SMURF2: variants seen among roughly 807,000 people sequenced by gnomAD.
SMURF2 encodes the protein SMAD specific E3 ubiquitin protein ligase 2.
In SMURF2, 48 loss-of-function variants were observed where a neutral mutation model predicts 109.6. The observed-to-expected ratio is 0.44, with a 90% CI of 0.35 to 0.56. The LOEUF is 0.56. SMURF2 is among the 20% of genes least tolerant of loss of function. The probability of loss-of-function intolerance (pLI) is 0.01; values close to 1 mark genes in which losing one functional copy is unlikely to be tolerated. For synonymous variants in SMURF2, 288 were observed against 317.1 expected, an observed-to-expected ratio of 0.91 and a Z score of 0.97; for missense variants, 575 against 909.0, an observed-to-expected ratio of 0.63 and a Z score of 4.72.
intron 11 of SMURF2, 63 bp from the exon 12 acceptor site, chr17:64,561,666 C>T (rs1969221950): frequency 1.6e-6 from 2 of 1,256,254 alleles, no homozygotes; most frequent in South Asian, 2.6e-5. Flanking sequence ...TACTTAATCT[C>T]TCCCTGCCAA....
chr17:64,547,735 AGT>A lies in SMURF2; in HGVS notation c.1934_1935del (p.His645LeufsTer19). On this transcript the variant is annotated frameshift_variant, in exon 17 of 19. Transcript: ENST00000262435. LOFTEE classifies it high-confidence loss of function. The surrounding 1 kb of genome is among the most constrained non-coding windows in gnomAD (Gnocchi z 4.2). ...NDWKVNTRLK[H>X]CTPDSNIVKW... The stretch of plus-strand genomic sequence containing the variant: ...TTGACAATGTTGCTGTCTGGTGTAC[AGT>A]GTTTTAACCGGGTGTTTACCTTCCA... 1 of 1,614,232 alleles carries A rather than the reference AGT, an allele frequency of 6.2e-7. No individual in the cohort carries two copies. Among genetic ancestry groups the A allele is most frequent in the Non-Finnish European group, 8.5e-7 (1 of 1,180,040 alleles).
intron 1 of SMURF2, among the ~76,000 whole-genome samples, chr17:64,612,645 G>A (rs1970060940): frequency 6.6e-6 from 1 of 152,090 alleles, no homozygotes; most frequent in Admixed American, 6.6e-5. Context: ...CTGCACTCCA[G>A]CCTGAGCAAC....
chr17:64,638,056 CTTTTTCTTTTT>C (rs1970444820), intron 1 of SMURF2, among the ~76,000 whole-genome samples: 6 of 128,978 alleles, frequency 4.7e-5, no homozygotes, highest in Non-Finnish European at 9.6e-5. Flanking sequence ...TTTTTTTTTC[CTTTTTCTTTTT>C]TTTTTTTTTT....
chr17:64,646,047 A>G (rs1237601623), intron 1 of SMURF2, among the ~76,000 whole-genome samples: 3 of 151,940 alleles, frequency 2.0e-5, no homozygotes, highest in Admixed American at 6.6e-5. Context: ...GGGAAATGGC[A>G]TTTGACTTCA....
chr17:64,635,966 A>C (rs535959136), intron 1 of SMURF2, among the ~76,000 whole-genome samples: 21 of 152,250 alleles, frequency 1.4e-4, no homozygotes, highest in African/African-American at 5.1e-4. Context: ...CAATTTCTCC[A>C]CATCTTTGCT....
At chr17:64,546,661 A>C (rs570636451) in intron 17 of SMURF2, among the ~76,000 whole-genome samples, 2 of 152,366 alleles carry the variant, frequency 1.3e-5, no homozygotes, top group South Asian at 4.1e-4. Flanking sequence ...GGCAAATCCA[A>C]GGTAAAATAC....
intron 2 of SMURF2, among the ~76,000 whole-genome samples, chr17:64,602,342 T>C (rs1969909706): frequency 6.6e-6 from 1 of 151,972 alleles, no homozygotes; most frequent in Non-Finnish European, 1.5e-5. Flanking sequence ...AATAAAATAA[T>C]AAAAGAAAAA....
In SMURF2 at chr17:64,661,929, G is replaced by C. The variant is rs1970786073; in HGVS notation, c.-49C>G. The C allele has an allele frequency of 6.1e-6, 7 of 1,153,376 alleles. No individual in the cohort carries two copies. Among genetic ancestry groups the C allele is most frequent in the Non-Finnish European group, 7.5e-6 (7 of 937,946 alleles). 71.4% of individuals were successfully genotyped at this position (1,153,376 alleles called of 1,614,324 possible). A position where few individuals can be genotyped will look rare whatever the true frequency, so the allele number is the denominator to read the frequency against. On this transcript the variant is annotated 5_prime_UTR_variant, in exon 1 of 19. Transcript: ENST00000262435. The stretch of plus-strand genomic sequence containing the variant: ...GGGCGGCGGGCGGCACGGGGGCGAC[G>C]GCGAGGCGCGGCGGAGTCACCACAG...
At chr17:64,614,204 C>T (rs1010581092) in intron 1 of SMURF2, among the ~76,000 whole-genome samples, 3 of 152,082 alleles carry the variant, frequency 2.0e-5, no homozygotes, top group Non-Finnish European at 2.9e-5. Flanking sequence ...ATTTCAATAT[C>T]TTTAATGTTT....
At position 64,620,149 on chromosome 17, in the gene SMURF2, C is replaced by T. The variant is rs187622005; in HGVS notation, c.53-13509G>A. Among the ~76,000 whole-genome samples the T allele has an allele frequency of 2.6e-5, 4 of 152,262 alleles. No individual in the cohort carries two copies. In the East Asian group the frequency reaches 7.7e-4, roughly 29 times the overall value. On this transcript the variant is annotated intron_variant, in intron 1 of 18. Transcript: ENST00000262435. Reference sequence around the variant, plus strand: ...TCCTCTCCCTGACCACCTCACATACCTAAAGCAGTTGCCAGATTATAGCCG... The same window carrying T: ...TCCTCTCCCTGACCACCTCACATACTTAAAGCAGTTGCCAGATTATAGCCG...
chr17:64,597,698 A>G (rs1410107099), intron 3 of SMURF2, among the ~76,000 whole-genome samples: 1 of 151,766 alleles, frequency 6.6e-6, no homozygotes, highest in African/African-American at 2.4e-5. Context: ...GCTTGAACTC[A>G]GGAGACAGAG....
intron 2 of SMURF2, among the ~76,000 whole-genome samples, chr17:64,601,564 A>G (rs1345862471): frequency 2.6e-5 from 4 of 152,206 alleles, no homozygotes; most frequent in African/African-American, 9.7e-5. Context: ...GTTGGCATGG[A>G]TGCAGTGAAA....
intron 12 of SMURF2, among the ~76,000 whole-genome samples, chr17:64,559,011 T>G (rs1172838183): frequency 6.6e-6 from 1 of 152,194 alleles, no homozygotes; most frequent in East Asian, 1.9e-4. Flanking sequence ...ATTACTACCA[T>G]TATGTAACAT....
intron 16 of SMURF2, 100 bp downstream of exon 16, chr17:64,551,484 A>G (rs1555683599): frequency 1.5e-6 from 2 of 1,292,192 alleles, no homozygotes; most frequent in Non-Finnish European, 1.1e-6. Flanking sequence ...CATGAAACTT[A>G]GAAAGCACCA....
intron 1 of SMURF2, among the ~76,000 whole-genome samples, chr17:64,644,894 C>A (rs1338181475): frequency 6.6e-6 from 1 of 151,964 alleles, no homozygotes; most frequent in Non-Finnish European, 1.5e-5. Flanking sequence ...CCTGTAATTC[C>A]AGCTACTCAA....
rs1314554146 is a variant in SMURF2 at position 64,544,766 on chromosome 17, T to G, written c.*1082A>C. 1 of 152,406 alleles carries G rather than the reference T, an allele frequency of 6.6e-6. No homozygotes were observed. Among genetic ancestry groups the G allele is most frequent in the East Asian group, 1.9e-4 (1 of 5,206 alleles). The allele number at this position is 152,406 out of a possible 1,614,324, so 9.4% of individuals were successfully genotyped here. ...GATTTTCTAAGCTTATTAATAATCT[T>G]TAGAGCAAAATTCTTCCTTTTTCAT... On this transcript the variant is annotated 3_prime_UTR_variant, in exon 19 of 19. Transcript: ENST00000262435.
At chr17:64,636,447 A>G (rs1970417163) in intron 1 of SMURF2, among the ~76,000 whole-genome samples, 1 of 152,112 alleles carries the variant, frequency 6.6e-6, no homozygotes, top group African/African-American at 2.4e-5. Flanking sequence ...TACTAAAAAT[A>G]TAAACATTAG....
chr17:64,552,303 T>C (rs1444605210), intron 15 of SMURF2, among the ~76,000 whole-genome samples: 1 of 152,178 alleles, frequency 6.6e-6, no homozygotes, highest in African/African-American at 2.4e-5. Flanking sequence ...CTAAACTACA[T>C]CTATTGTGTG....
intron 1 of SMURF2, among the ~76,000 whole-genome samples, chr17:64,641,996 A>T (rs1422493914): frequency 6.6e-6 from 1 of 152,130 alleles, no homozygotes; most frequent in Non-Finnish European, 1.5e-5. Flanking sequence ...TAGTAGAAAC[A>T]GGGTTTCACC....
Sources: gnomAD v4.1 joint callset for allele counts (sites outside exome capture counted in the v4.1 genomes callset) on GRCh38, gnomAD v4.1.1 for gene constraint, Gnocchi (gnomAD v3.1) non-coding constraint, MANE v1.5 for transcripts, NCBI Gene and HGNC (gene_info 2026-07-23, HGNC 2026-07-21) for gene names.